The following ODR4 variants were observed in gnomAD, a reference collection of about 807,000 sequenced individuals.
ODR4 encodes the protein protein odr-4 homolog.
A neutral mutation model predicts 60.2 loss-of-function variants in ODR4; 47 were observed. That is an observed-to-expected ratio of 0.78 (90% CI 0.62 to 1.00). The LOEUF is 1.00. Ranked by LOEUF, ODR4 falls within the 50% of genes least tolerant of loss-of-function variation. ODR4 has a pLI of 0.00. For missense variants in ODR4, 488 were observed against 530.8 expected (o/e 0.92, Z 0.79); for synonymous variants, 178 against 175.5 (o/e 1.01, Z -0.11).
At position 186,419,296 on chromosome 1, in the gene ODR4, AT is replaced by A; in HGVS notation, c.*221del. The A allele has an allele frequency of 1.8e-6, 1 of 550,096 alleles. No individual in the cohort carries two copies. The highest frequency in any genetic ancestry group is 3.2e-6 in the Non-Finnish European group (1 of 308,598). 34.1% of individuals were successfully genotyped at this position (550,096 alleles called of 1,614,324 possible). On this transcript the variant is annotated 3_prime_UTR_variant, in exon 14 of 14. Coordinates refer to ENST00000287859, the MANE Select transcript of ODR4 (RefSeq NM_017847.6). ...CGCATTTCCAGAAATAACGTTATGC[AT>A]CTAGATGGAAGCTGCATGTAACAAA...
downstream of ODR4, among the ~76,000 whole-genome samples, chr1:186,421,759 G>A (rs1408037195): frequency 6.6e-6 from 1 of 151,762 alleles, no homozygotes; most frequent in African/African-American, 2.4e-5. Flanking sequence ...AGCTACTCTG[G>A]AGGCTGAGGT....
chr1:186,421,627 G>T (rs1027191589), downstream of ODR4, among the ~76,000 whole-genome samples: 7 of 152,072 alleles, frequency 4.6e-5, no homozygotes, highest in African/African-American at 1.7e-4. Context: ...ACTTTTGGAG[G>T]CTGAGGCAGG....
intron 13 of ODR4, 119 bp from the exon 14 acceptor site, chr1:186,418,890 G>A: frequency 2.6e-6 from 2 of 763,386 alleles, no homozygotes; most frequent in Non-Finnish European, 4.5e-6. Flanking sequence ...ATGTATGATT[G>A]TGTGTTTGTG....
intron 12 of ODR4, chr1:186,411,741 CTTAG>C (rs1165565084): frequency 4.3e-5 from 13 of 304,578 alleles, no homozygotes; most frequent in Non-Finnish European, 9.6e-6. Context: ...AATATTAAAA[CTTAG>C]TTATATGTTT....
intron 12 of ODR4, among the ~76,000 whole-genome samples, chr1:186,412,354 A>G (rs2102085529): frequency 6.6e-6 from 1 of 152,280 alleles, no homozygotes; most frequent in African/African-American, 2.4e-5. Flanking sequence ...GATTCAGGGA[A>G]AGCTTAGAGC....
intron 12 of ODR4, among the ~76,000 whole-genome samples, chr1:186,412,247 A>G (rs1182277916): frequency 6.6e-6 from 1 of 152,214 alleles, no homozygotes; most frequent in African/African-American, 2.4e-5. Flanking sequence ...ATATCTAATT[A>G]TTTGAAATTA....
intron 9 of ODR4, among the ~76,000 whole-genome samples, chr1:186,397,209 C>G (rs1307247376): frequency 1.3e-5 from 2 of 152,170 alleles, no homozygotes; most frequent in Admixed American, 1.3e-4. Context: ...CTTTCAATAG[C>G]TATGCATGTC....
rs1268994124 is a variant in ODR4 at position 186,420,549 on chromosome 1, G to T, written c.*1473G>T. 6.6e-6 allele frequency: 1 copy of T among 152,084 alleles called. No individual in the cohort carries two copies. The highest frequency in any genetic ancestry group is 1.5e-5 in the Non-Finnish European group (1 of 68,028). The allele number at this position is 152,084 out of a possible 1,614,324, so 9.4% of individuals were successfully genotyped here. A position where few individuals can be genotyped will look rare whatever the true frequency, so the allele number is the denominator to read the frequency against. On this transcript the variant is annotated 3_prime_UTR_variant, in exon 14 of 14. Coordinates refer to ENST00000287859, the MANE Select transcript of ODR4 (RefSeq NM_017847.6). ...CATCACCAACATAAGGAATGAAGTT[G>T]GAACCACAGGCAGATCTGAAAAAGA... is the stretch of plus-strand genomic sequence containing the variant.
the ODR4 span, among the ~76,000 whole-genome samples, chr1:186,430,575 T>A: frequency 1.3e-5 from 2 of 152,110 alleles, no homozygotes; most frequent in Admixed American, 6.5e-5. Context: ...AGACTGCAAT[T>A]TCTGTGTTTA....
intron 9 of ODR4, among the ~76,000 whole-genome samples, chr1:186,397,228 C>T (rs1403632318): frequency 1.3e-5 from 2 of 152,096 alleles, no homozygotes; most frequent in Non-Finnish European, 2.9e-5. Context: ...TCAGTATTCT[C>T]CTCTTCATTA....
At chr1:186,394,117 C>T (rs1306282728) in intron 9 of ODR4, 102 bp downstream of exon 9, 9 of 665,922 alleles carry the variant, frequency 1.4e-5, no homozygotes, top group Admixed American at 3.4e-5. Context: ...GATTTTAGAG[C>T]TGTAAGAGAC....
At chr1:186,417,421 T>C in intron 12 of ODR4, 123 bp from the exon 13 acceptor site, 2 of 662,210 alleles carry the variant, frequency 3.0e-6, no homozygotes, top group East Asian at 5.6e-5. Context: ...CAGTATGTTA[T>C]ATAAAAAACA....
Position 186,390,810 on chromosome 1 carries a change from T to C in ODR4, c.574T>C (p.Ser192Pro), listed in dbSNP as rs765089806. ...TCACATTAATATTCACATCCCACTT[T>C]CTGCTACTTCTGTCAGCTATACTCT... The part of the protein sequence containing the change: ...TVHINIHIPL[S>P]ATSVSYTLEK... Residue 192 changes from serine (S) to proline (P), a missense_variant, in exon 7 of 14, where the codon TCT (serine) becomes CCT (proline). Coordinates refer to ENST00000287859, the MANE Select transcript of ODR4 (RefSeq NM_017847.6). The C allele has an allele frequency of 2.5e-6, 4 of 1,613,184 alleles. No individual in the cohort carries two copies. Among genetic ancestry groups the C allele is most frequent in the Non-Finnish European group, 3.4e-6 (4 of 1,179,372 alleles).
Position 186,391,682 on chromosome 1 carries a change from G to A in ODR4, c.616-14G>A, listed in dbSNP as rs77026585. On this transcript the variant is annotated splice_polypyrimidine_tract_variant and intron_variant, in intron 7 of 13. Transcript: ENST00000287859. ...ATTGTATCTGAAAGATTTCCATGTTGTGTTTCTGTTAAGAATGGACTTACA... is the reference window on the plus strand; with the variant it reads ...ATTGTATCTGAAAGATTTCCATGTTATGTTTCTGTTAAGAATGGACTTACA... 0.1 allele frequency: 156,631 copies of A among 1,515,670 alleles called. 10,744 individuals are homozygous for A. The highest frequency in any genetic ancestry group is 0.4 in the East Asian group (17,637 of 43,952). The allele number at this position is 1,515,670 out of a possible 1,614,324, so 93.9% of individuals were successfully genotyped here.
At chr1:186,378,265 G>C (rs1413009625) in intron 1 of ODR4, among the ~76,000 whole-genome samples, 1 of 152,084 alleles carries the variant, frequency 6.6e-6, no homozygotes, top group Non-Finnish European at 1.5e-5. Flanking sequence ...TTAACTTTGT[G>C]GTACTGAATA....
intron 3 of ODR4, among the ~76,000 whole-genome samples, chr1:186,383,951 A>G (rs983561484): frequency 6.6e-6 from 1 of 152,142 alleles, no homozygotes; most frequent in Admixed American, 6.5e-5. Context: ...AGGCAGGAGA[A>G]TTGCTTGAAC....
At chr1:186,403,450 T>C (rs1661062004) in intron 11 of ODR4, among the ~76,000 whole-genome samples, 2 of 152,108 alleles carry the variant, frequency 1.3e-5, no homozygotes, top group Non-Finnish European at 2.9e-5. Flanking sequence ...CTCATTTTAC[T>C]TTGCTTATTT....
chr1:186,383,703 A>G (rs778837854), intron 3 of ODR4, among the ~76,000 whole-genome samples: 12 of 150,286 alleles, frequency 8.0e-5, no homozygotes, highest in Non-Finnish European at 1.3e-4. Flanking sequence ...ATATATGGAC[A>G]TATATTTGTG....
At position 186,383,101 on chromosome 1, in the gene ODR4, C is replaced by G. The variant is rs1472805116; in HGVS notation, c.179C>G (p.Pro60Arg). Reference protein sequence around the residue: ...KEEQSENLKHPKAKLDNLDEE... With the variant: ...KEEQSENLKHRKAKLDNLDEE... ...GAGCAAAGTGAGAACCTCAAACATCCCAAAGCTAAGTTGGATAACTTGGAT... is the reference window on the plus strand; with the variant it reads ...GAGCAAAGTGAGAACCTCAAACATCGCAAAGCTAAGTTGGATAACTTGGAT... The change falls in exon 3 of 14, where the codon CCC becomes CGC. Residue 60 changes from proline (P) to arginine (R), a missense_variant. Coordinates refer to ENST00000287859, the MANE Select transcript of ODR4 (RefSeq NM_017847.6). 1 of 1,563,028 alleles carries G rather than the reference C, an allele frequency of 6.4e-7. No homozygotes were observed. The highest frequency in any genetic ancestry group is 1.9e-5 in the Admixed American group (1 of 52,012).
Sources: allele counts gnomAD v4.1 joint callset (sites outside exome capture counted in the v4.1 genomes callset), GRCh38; gene constraint gnomAD v4.1.1; transcripts MANE v1.5; gene names NCBI Gene and HGNC (gene_info 2026-07-23, HGNC 2026-07-21).